Variants in GPC6 observed in about 807,000 individuals in gnomAD.
GPC6 encodes the protein glypican 6.
A neutral mutation model predicts 55.2 loss-of-function variants in GPC6; 14 were observed. The observed-to-expected ratio is 0.25, with a 90% CI of 0.17 to 0.40. GPC6 has a LOEUF of 0.40. GPC6 is among the 10% of genes least tolerant of loss of function. GPC6 has a pLI of 1.00. For synonymous variants in GPC6, 278 were observed against 259.6 expected (o/e 1.07, Z -0.68); for missense variants, 641 against 708.5 (o/e 0.90, Z 1.08).
intron 2 of GPC6, among the ~76,000 whole-genome samples, chr13:93,772,383 G>A (rs1045370254): frequency 6.6e-6 from 1 of 151,922 alleles, no homozygotes; most frequent in African/African-American, 2.4e-5. Context: ...CTAAAGCCCT[G>A]TTGTCTCCTG....
chr13:93,815,708 T>C (rs1886823945), intron 2 of GPC6, among the ~76,000 whole-genome samples: 2 of 152,200 alleles, frequency 1.3e-5, no homozygotes, highest in Non-Finnish European at 1.5e-5. Flanking sequence ...ATTTATTCAT[T>C]TTCATTTAGT....
intron 3 of GPC6, among the ~76,000 whole-genome samples, chr13:93,852,624 A>G (rs1192418414): frequency 6.6e-6 from 1 of 151,692 alleles, no homozygotes; most frequent in Non-Finnish European, 1.5e-5. Flanking sequence ...TCTCCAATTA[A>G]TAGCAGAAAA....
chr13:94,180,449 A>G, intron 4 of GPC6, among the ~76,000 whole-genome samples: 1 of 152,180 alleles, frequency 6.6e-6, no homozygotes, highest in Admixed American at 6.5e-5. Flanking sequence ...AAGCCACAAT[A>G]AATGTATTTT....
intron 2 of GPC6, among the ~76,000 whole-genome samples, chr13:93,786,403 A>G (rs947668284): frequency 1.3e-5 from 2 of 152,184 alleles, no homozygotes; most frequent in Admixed American, 6.5e-5. Flanking sequence ...TATTATGACT[A>G]TCGTTTTATT....
At chr13:93,503,029 T>C (rs186718176) in intron 1 of GPC6, among the ~76,000 whole-genome samples, 5 of 152,292 alleles carry the variant, frequency 3.3e-5, no homozygotes, top group Admixed American at 3.3e-4. Context: ...GGTTGCACTT[T>C]GGCAAAACTG....
intron 6 of GPC6, among the ~76,000 whole-genome samples, chr13:94,360,331 T>C (rs1878998939): frequency 6.6e-6 from 1 of 152,208 alleles, no homozygotes; most frequent in African/African-American, 2.4e-5. Context: ...GACTGATCGA[T>C]GATAGATGAT....
At chr13:93,812,166 GGATCACGAGGTC>G (rs1452910329) in intron 2 of GPC6, among the ~76,000 whole-genome samples, 3 of 140,008 alleles carry the variant, frequency 2.1e-5, no homozygotes, top group South Asian at 2.3e-4. Context: ...GGGGGTGGGT[GGATCACGAGGTC>G]GGGAGTTCAA....
intron 6 of GPC6, among the ~76,000 whole-genome samples, chr13:94,360,119 G>C (rs1170232223): frequency 6.6e-6 from 1 of 152,210 alleles, no homozygotes; most frequent in Non-Finnish European, 1.5e-5. Context: ...GGAGGAGTTG[G>C]TCTGTGCTGT....
At chr13:94,124,024 G>A (rs1886724420) in intron 4 of GPC6, among the ~76,000 whole-genome samples, 1 of 152,012 alleles carries the variant, frequency 6.6e-6, no homozygotes, top group Admixed American at 6.6e-5. Flanking sequence ...AATGAAAATG[G>A]GGAGGGGGAA....
At chr13:93,970,538 G>A (rs549762139) in intron 3 of GPC6, among the ~76,000 whole-genome samples, 48 of 152,244 alleles carry the variant, frequency 3.2e-4, no homozygotes, top group African/African-American at 9.6e-4. Flanking sequence ...CAGCTGGGCC[G>A]GAAGACCCTT....
At chr13:93,528,899 A>G (rs1244696612) in intron 1 of GPC6, among the ~76,000 whole-genome samples, 1 of 152,152 alleles carries the variant, frequency 6.6e-6, no homozygotes, top group African/African-American at 2.4e-5. Flanking sequence ...AAAAGAAAGC[A>G]TGCATAAAAT....
chr13:93,532,436 A>G (rs1476314128), intron 1 of GPC6, among the ~76,000 whole-genome samples: 1 of 152,198 alleles, frequency 6.6e-6, no homozygotes, highest in Non-Finnish European at 1.5e-5. Context: ...TATAAATTGA[A>G]TAAATTGTAT....
At chr13:93,686,659 C>G (rs1882058492) in intron 2 of GPC6, among the ~76,000 whole-genome samples, 1 of 152,114 alleles carries the variant, frequency 6.6e-6, no homozygotes, top group South Asian at 2.1e-4. Context: ...CATTGTGAAT[C>G]ATTCTTTTTA....
chr13:93,695,882 A>G (rs545658215), intron 2 of GPC6, among the ~76,000 whole-genome samples: 8 of 152,182 alleles, frequency 5.3e-5, no homozygotes, highest in African/African-American at 1.7e-4. Context: ...TTTTGTTCTT[A>G]TAGTTAGAAG....
At chr13:94,390,046 C>T (rs916474570) in intron 7 of GPC6, among the ~76,000 whole-genome samples, 1 of 152,152 alleles carries the variant, frequency 6.6e-6, no homozygotes, top group Non-Finnish European at 1.5e-5. Flanking sequence ...AAGAGGTAAA[C>T]ACAGTAAATT....
intron 4 of GPC6, among the ~76,000 whole-genome samples, chr13:94,189,865 C>CA (rs1416754306): frequency 6.6e-6 from 1 of 151,764 alleles, no homozygotes; most frequent in African/African-American, 2.4e-5. Flanking sequence ...ACTAAAAATA[C>CA]AAAAAATTGG....
chr13:93,491,429 C>G, intron 1 of GPC6, among the ~76,000 whole-genome samples: 1 of 49,266 alleles, frequency 2.0e-5, no homozygotes, highest in African/African-American at 7.8e-5. Context: ...AGCCCTTTGT[C>G]AGATGAGTAG....
chr13:94,323,127 G>T (rs1008299645), intron 6 of GPC6, among the ~76,000 whole-genome samples: 6 of 152,124 alleles, frequency 3.9e-5, no homozygotes, highest in Admixed American at 1.3e-4. Flanking sequence ...TAGGGATGTG[G>T]CTCCCTTAAC....
chr13:93,918,186 G>A (rs1877389347), intron 3 of GPC6, among the ~76,000 whole-genome samples: 1 of 152,082 alleles, frequency 6.6e-6, no homozygotes, highest in Admixed American at 6.5e-5. Flanking sequence ...TAAGTTCATA[G>A]GATGGTGGTG....
Sources: gnomAD v4.1 joint callset for allele counts (sites outside exome capture counted in the v4.1 genomes callset) on GRCh38, gnomAD v4.1.1 for gene constraint, MANE v1.5 for transcripts, NCBI Gene and HGNC (gene_info 2026-07-23, HGNC 2026-07-21) for gene names.